Variants in CCDC91 observed in about 807,000 individuals in gnomAD.
The protein encoded by CCDC91 is coiled-coil domain-containing protein 91.
A neutral mutation model predicts 63.2 loss-of-function variants in CCDC91; 48 were observed. That is an observed-to-expected ratio of 0.76 (90% CI 0.60 to 0.97). CCDC91 has a LOEUF of 0.97. CCDC91 is among the 50% of genes least tolerant of loss of function. The probability of loss-of-function intolerance (pLI) is 0.00; values close to 1 mark genes in which losing one functional copy is unlikely to be tolerated. For missense variants in CCDC91, 500 were observed against 494.6 expected, an observed-to-expected ratio of 1.01 and a Z score of -0.10; for synonymous variants, 167 against 165.8, an observed-to-expected ratio of 1.01 and a Z score of -0.06.
At chr12:28,431,570 TG>T (rs1948627766) in intron 8 of CCDC91, among the ~76,000 whole-genome samples, 1 of 152,118 alleles carries the variant, frequency 6.6e-6, no homozygotes, top group African/African-American at 2.4e-5. Context: ...TCAGTTTTTC[TG>T]GGTTTAGATA....
At chr12:28,341,236 G>A (rs113255839) in intron 6 of CCDC91, among the ~76,000 whole-genome samples, 4 of 152,254 alleles carry the variant, frequency 2.6e-5, no homozygotes, top group African/African-American at 9.6e-5. Flanking sequence ...TATAAGCATA[G>A]GATGGGGGCA....
intron 12 of CCDC91, among the ~76,000 whole-genome samples, chr12:28,504,338 G>A (rs1938432919): frequency 6.6e-6 from 1 of 151,794 alleles, no homozygotes; most frequent in South Asian, 2.1e-4. Context: ...CTGTTGCACA[G>A]ATTTTATTTA....
intron 7 of CCDC91, among the ~76,000 whole-genome samples, chr12:28,379,452 C>CAAAA (rs199790729): frequency 4.2e-5 from 2 of 47,314 alleles, no homozygotes; most frequent in African/African-American, 1.4e-4. Flanking sequence ...AACAAATTTA[C>CAAAA]AAAAAAAAAA....
chr12:28,422,924 T>C (rs547408864), intron 8 of CCDC91, among the ~76,000 whole-genome samples: 2 of 152,246 alleles, frequency 1.3e-5, no homozygotes, highest in South Asian at 4.1e-4. Flanking sequence ...TAATACTTTT[T>C]CTGTAATTCC....
intron 3 of CCDC91, among the ~76,000 whole-genome samples, chr12:28,293,889 CA>C (rs886629850): frequency 1.4e-4 from 22 of 152,068 alleles, no homozygotes; most frequent in Admixed American, 1.4e-3. Context: ...TCCTTGTCTG[CA>C]GTGCGCCTGG....
chr12:28,475,687 A>G (rs561692974), intron 11 of CCDC91, among the ~76,000 whole-genome samples: 3 of 151,980 alleles, frequency 2.0e-5, no homozygotes, highest in South Asian at 2.1e-4. Context: ...TTTATCATGT[A>G]ATGTATTCTA....
chr12:28,377,924 T>C (rs1945049160), intron 7 of CCDC91, among the ~76,000 whole-genome samples: 1 of 152,044 alleles, frequency 6.6e-6, no homozygotes, highest in Non-Finnish European at 1.5e-5. Flanking sequence ...TACTTTACCA[T>C]CTTAATGAGA....
chr12:28,547,508 A>C (rs1015459776), intron 12 of CCDC91, among the ~76,000 whole-genome samples: 3 of 152,110 alleles, frequency 2.0e-5, no homozygotes, highest in African/African-American at 7.2e-5. Context: ...GGGATAAAGT[A>C]GTTAGCAAGA....
chr12:28,491,005 A>G (rs1480326424), intron 12 of CCDC91, among the ~76,000 whole-genome samples: 1 of 151,824 alleles, frequency 6.6e-6, no homozygotes, highest in East Asian at 1.9e-4. Context: ...TGTAGCAAGG[A>G]ATATAAAATA....
intron 3 of CCDC91, among the ~76,000 whole-genome samples, chr12:28,301,077 A>C (rs1180025022): frequency 6.6e-6 from 1 of 151,230 alleles, no homozygotes; most frequent in African/African-American, 2.4e-5. Flanking sequence ...TCTCTTGTTG[A>C]CTTGCATTGA....
At chr12:28,336,079 C>T (rs1205244592) in intron 6 of CCDC91, among the ~76,000 whole-genome samples, 1 of 150,104 alleles carries the variant, frequency 6.7e-6, no homozygotes. Context: ...TACCCTTAAT[C>T]CCCTTCCCAA....
At chr12:28,471,758 C>CTTTTTTTTTTTTTT (rs375850875) in intron 11 of CCDC91, among the ~76,000 whole-genome samples, 1 of 149,354 alleles carries the variant, frequency 6.7e-6, no homozygotes. Flanking sequence ...TTTTCTCTCT[C>CTTTTTTTTTTTTTT]TTTTTTTTTG....
chr12:28,329,527 G>A (rs113177631), intron 6 of CCDC91, among the ~76,000 whole-genome samples: 4 of 152,098 alleles, frequency 2.6e-5, no homozygotes, highest in African/African-American at 9.6e-5. Flanking sequence ...TATTTAAATA[G>A]GAATTTGAAT....
chr12:28,451,867 A>G (rs1165226922), intron 10 of CCDC91, among the ~76,000 whole-genome samples: 2 of 151,592 alleles, frequency 1.3e-5, no homozygotes, highest in Admixed American at 6.6e-5. Context: ...TTTTCCTACA[A>G]CCTATCTGTG....
At chr12:28,219,564 T>C (rs1265306909) in intron 1 of CCDC91, among the ~76,000 whole-genome samples, 1 of 149,756 alleles carries the variant, frequency 6.7e-6, no homozygotes, top group African/African-American at 2.5e-5. Flanking sequence ...CTCTGCCTCC[T>C]GGGTTCATGC....
chr12:28,417,640 T>TACACACACACACACACATAC (rs1555208049), intron 8 of CCDC91, among the ~76,000 whole-genome samples: 5 of 112,150 alleles, frequency 4.5e-5, no homozygotes, highest in Middle Eastern at 4.8e-3. Flanking sequence ...TATATATATA[T>TACACACACACACACACATAC]ACACACACAC....
chr12:28,460,662 C>T (rs1336874658), intron 11 of CCDC91, among the ~76,000 whole-genome samples: 1 of 151,774 alleles, frequency 6.6e-6, no homozygotes, highest in Non-Finnish European at 1.5e-5. Flanking sequence ...TTGTCAAATA[C>T]TATTGAAGGA....
intron 8 of CCDC91, among the ~76,000 whole-genome samples, chr12:28,444,458 A>C (rs1182602929): frequency 1.3e-5 from 2 of 152,150 alleles, no homozygotes; most frequent in African/African-American, 2.4e-5. Flanking sequence ...AGTCCCGCGG[A>C]GGTACTTCCT....
In CCDC91 at chr12:28,450,373, G is replaced by A. The variant is rs942522442; in HGVS notation, c.879G>A (p.Glu293=). The A allele has an allele frequency of 1.9e-6, 3 of 1,611,968 alleles. No homozygotes were observed. The African/African-American group carries it at 4.0e-5, about 22-fold the overall frequency. Reference sequence around the variant, plus strand: ...AGGAAATATTGGAAAAGTGTTTGGAGGAAGAAAGGCAAAGAAATAAAGAGG... The same window carrying A: ...AGGAAATATTGGAAAAGTGTTTGGAAGAAGAAAGGCAAAGAAATAAAGAGG... ...EQKEILEKCL[E]EERQRNKEAL... is the part of the protein sequence containing the mutation. Residue 293 remains glutamate (E), a synonymous_variant, in exon 10 of 13, where the codon GAG becomes GAA. Transcript: ENST00000536442.
Sources: gnomAD v4.1 joint callset for allele counts (sites outside exome capture counted in the v4.1 genomes callset) on GRCh38, gnomAD v4.1.1 for gene constraint, MANE v1.5 for transcripts, NCBI Gene and HGNC (gene_info 2026-07-23, HGNC 2026-07-21) for gene names.